Variants in TMEM132D observed in about 807,000 individuals in gnomAD.
The protein encoded by TMEM132D is transmembrane protein 132D.
Under a neutral mutation model 62.3 loss-of-function variants are expected in TMEM132D, and 21 were observed. The ratio of observed to expected loss-of-function variants is 0.34; its 90% CI spans 0.24 to 0.49. The LOEUF (loss-of-function observed/expected upper bound fraction) is 0.49, where lower values mean the gene tolerates loss of function less well. Ranked by LOEUF, TMEM132D falls within the 20% of genes least tolerant of loss-of-function variation. TMEM132D has a pLI of 0.99. For synonymous variants in TMEM132D, 621 were observed against 575.6 expected (o/e 1.08, Z -1.13); for missense variants, 1,346 against 1,402.8 (o/e 0.96, Z 0.65).
At chr12:129,288,112 G>A (rs1416319067) in intron 4 of TMEM132D, among the ~76,000 whole-genome samples, 2 of 152,182 alleles carry the variant, frequency 1.3e-5, no homozygotes, top group East Asian at 1.9e-4. Context: ...CGTGCACCAT[G>A]CACAACAACA....
chr12:129,769,473 C>G (rs1446202457), intron 1 of TMEM132D, among the ~76,000 whole-genome samples: 1 of 152,112 alleles, frequency 6.6e-6, no homozygotes, highest in Non-Finnish European at 1.5e-5. Context: ...TCTCATGACA[C>G]GGAGGAATTA....
chr12:129,458,639 C>T (rs1873557560), intron 3 of TMEM132D, among the ~76,000 whole-genome samples: 1 of 152,132 alleles, frequency 6.6e-6, no homozygotes, highest in Non-Finnish European at 1.5e-5. Context: ...TTTGAACTCA[C>T]AACCTGACAG....
chr12:129,595,997 T>C (rs554119656), intron 2 of TMEM132D, among the ~76,000 whole-genome samples: 1 of 152,292 alleles, frequency 6.6e-6, no homozygotes, highest in Non-Finnish European at 1.5e-5. Flanking sequence ...AAGGAATCAA[T>C]AAGTTCAAAG....
chr12:129,729,355 TTTG>T (rs1252721257), intron 1 of TMEM132D, among the ~76,000 whole-genome samples: 1 of 152,204 alleles, frequency 6.6e-6, no homozygotes, highest in African/African-American at 2.4e-5. Context: ...CAGATAATTA[TTTG>T]TTGTGACAGT....
chr12:129,860,528 G>A (rs1875444), intron 1 of TMEM132D, among the ~76,000 whole-genome samples: 151,100 of 152,388 alleles, frequency 0.99, 74,927 homozygotes, highest in Middle Eastern at 1. Context: ...CTCTTAAAGC[G>A]TTCTTTTTCC....
At chr12:129,548,384 T>C (rs1187123911) in intron 2 of TMEM132D, among the ~76,000 whole-genome samples, 1 of 152,172 alleles carries the variant, frequency 6.6e-6, no homozygotes, top group Admixed American at 6.5e-5. Flanking sequence ...CTCCCTGCCC[T>C]TGGAGTATAA....
chr12:129,457,445 T>A (rs1476518595), intron 3 of TMEM132D, among the ~76,000 whole-genome samples: 1 of 97,594 alleles, frequency 1.0e-5, no homozygotes, highest in African/African-American at 3.8e-5. Context: ...TGTTGTGGGG[T>A]AGGGGGGAGG....
chr12:129,314,297 G>A (rs1000259900), intron 4 of TMEM132D, among the ~76,000 whole-genome samples: 7 of 152,258 alleles, frequency 4.6e-5, no homozygotes, highest in African/African-American at 1.7e-4. Context: ...TTTTTATAAG[G>A]TGAGAGATGA....
chr12:129,721,822 C>T (rs4759596), intron 1 of TMEM132D, among the ~76,000 whole-genome samples: 45,814 of 152,086 alleles, frequency 0.3, 7,007 homozygotes, highest in Admixed American at 0.36. Context: ...AGAGCACATC[C>T]GGCCAGCCAG....
At chr12:129,697,402 G>T (rs1312518852) in intron 2 of TMEM132D, among the ~76,000 whole-genome samples, 1 of 152,166 alleles carries the variant, frequency 6.6e-6, no homozygotes, top group Admixed American at 6.5e-5. Flanking sequence ...TAATAATCTT[G>T]CCAGGTCCAA....
intron 3 of TMEM132D, among the ~76,000 whole-genome samples, chr12:129,404,291 C>T (rs577389671): frequency 1.3e-5 from 2 of 151,948 alleles, no homozygotes; most frequent in East Asian, 1.9e-4. Context: ...CTCCACCTCC[C>T]GGGTTCAAGT....
At chr12:129,217,711 C>A (rs1011737569) in intron 4 of TMEM132D, among the ~76,000 whole-genome samples, 9 of 130,740 alleles carry the variant, frequency 6.9e-5, no homozygotes, top group Admixed American at 3.4e-4. Flanking sequence ...TGAAGACTTG[C>A]AAAAAGGTAG....
At chr12:129,158,831 C>T (rs994139900) in intron 5 of TMEM132D, among the ~76,000 whole-genome samples, 1 of 152,196 alleles carries the variant, frequency 6.6e-6, no homozygotes, top group African/African-American at 2.4e-5. Context: ...AATTGACTCA[C>T]AGTTCTGCAT....
intron 8 of TMEM132D, among the ~76,000 whole-genome samples, chr12:129,075,318 C>CTTTTT (rs541888959): frequency 1.2e-4 from 17 of 143,596 alleles, no homozygotes; most frequent in African/African-American, 3.3e-4. Context: ...AGAAGATTTG[C>CTTTTT]TTTTTTTTTT....
intron 4 of TMEM132D, among the ~76,000 whole-genome samples, chr12:129,282,057 C>T (rs1289336261): frequency 6.6e-6 from 1 of 152,166 alleles, no homozygotes; most frequent in Non-Finnish European, 1.5e-5. Flanking sequence ...ATACTCCCTC[C>T]ATCAATCCCT....
chr12:129,236,161 A>T, intron 4 of TMEM132D, among the ~76,000 whole-genome samples: 1 of 144,984 alleles, frequency 6.9e-6, no homozygotes, highest in Non-Finnish European at 1.5e-5. Flanking sequence ...TGTATGAGAG[A>T]GAGAGAGAGA....
intron 3 of TMEM132D, among the ~76,000 whole-genome samples, chr12:129,421,109 C>T (rs1407979854): frequency 6.6e-6 from 1 of 151,808 alleles, no homozygotes; most frequent in African/African-American, 2.4e-5. Context: ...TTACAAGCTC[C>T]CGCCATCACA....
intron 5 of TMEM132D, among the ~76,000 whole-genome samples, chr12:129,091,242 C>A (rs1874901810): frequency 6.6e-6 from 1 of 150,946 alleles, no homozygotes; most frequent in Non-Finnish European, 1.5e-5. Context: ...GCTCTGGAGA[C>A]CCTACCTAAG....
At chr12:129,829,771 T>C (rs918920765) in intron 1 of TMEM132D, among the ~76,000 whole-genome samples, 1 of 152,064 alleles carries the variant, frequency 6.6e-6, no homozygotes, top group African/African-American at 2.4e-5. Flanking sequence ...GGTAGGTGAT[T>C]CTCCACACTT....
Sources: gnomAD v4.1 joint callset for allele counts (sites outside exome capture counted in the v4.1 genomes callset) on GRCh38, gnomAD v4.1.1 for gene constraint, MANE v1.5 for transcripts, NCBI Gene and HGNC (gene_info 2026-07-23, HGNC 2026-07-21) for gene names.